FAM76A: variants seen among roughly 807,000 people sequenced by gnomAD.
FAM76A encodes family with sequence similarity 76 member A, also known as protein FAM76A.
Under a neutral mutation model 46.2 loss-of-function variants are expected in FAM76A, and 32 were observed. The observed-to-expected ratio is 0.69, with a 90% CI of 0.52 to 0.93. FAM76A has a LOEUF of 0.93. Ranked by LOEUF, FAM76A falls within the 40% of genes least tolerant of loss-of-function variation. The probability of loss-of-function intolerance (pLI) is 0.00; values close to 1 mark genes in which losing one functional copy is unlikely to be tolerated. For synonymous variants in FAM76A, 137 were observed against 127.0 expected (o/e 1.08, Z -0.53); for missense variants, 274 against 361.5 (o/e 0.76, Z 1.96).
At chr1:27,758,438 T>C (rs371119512) in intron 7 of FAM76A, among the ~76,000 whole-genome samples, 45 of 152,336 alleles carry the variant, frequency 3.0e-4, no homozygotes, top group African/African-American at 9.9e-4. Context: ...AAAAGGATTT[T>C]TGTAAAACAG....
At chr1:27,735,504 C>T (rs1314157458) in intron 4 of FAM76A, among the ~76,000 whole-genome samples, 2 of 152,174 alleles carry the variant, frequency 1.3e-5, no homozygotes, top group Non-Finnish European at 2.9e-5. Context: ...GGTGCTTGGG[C>T]TCAAGGGCTG....
chr1:27,735,906 G>A (rs1006524762), intron 4 of FAM76A, among the ~76,000 whole-genome samples: 1 of 152,108 alleles, frequency 6.6e-6, no homozygotes, highest in African/African-American at 2.4e-5. Context: ...TACTAATCTG[G>A]TTATACTAGA....
chr1:27,757,580 GCTGGTCTTGAACTC>G (rs1283134206), intron 7 of FAM76A, among the ~76,000 whole-genome samples: 2 of 152,136 alleles, frequency 1.3e-5, no homozygotes, highest in Non-Finnish European at 2.9e-5. Context: ...TGTTGGCCGG[GCTGGTCTTGAACTC>G]CTGACCTCAA....
intron 5 of FAM76A, among the ~76,000 whole-genome samples, chr1:27,746,124 C>G (rs1194783969): frequency 1.3e-5 from 2 of 152,140 alleles, no homozygotes; most frequent in African/African-American, 2.4e-5. Flanking sequence ...GATGTTAAAA[C>G]AAGAACCTCA....
intron 2 of FAM76A, 55 bp from the exon 3 acceptor site, chr1:27,732,548 G>C: frequency 1.3e-6 from 2 of 1,527,836 alleles, no homozygotes. Context: ...GGCTTAAGGA[G>C]GTATCAGTTT....
chr1:27,727,598 G>T lies in FAM76A; in HGVS notation c.146+62G>T. The T allele has an allele frequency of 2.4e-6, 3 of 1,264,760 alleles. No individual in the cohort carries two copies. In the South Asian group the frequency reaches 3.7e-5, roughly 15 times the overall value. 78.3% of individuals were successfully genotyped at this position (1,264,760 alleles called of 1,614,324 possible). Reference sequence around the variant, plus strand: ...TTTTTTCCTCTTAAAATCTGTAATTGATTGCATTTCATGTACAGATGCTAT... The same window carrying T: ...TTTTTTCCTCTTAAAATCTGTAATTTATTGCATTTCATGTACAGATGCTAT... On this transcript the variant is annotated intron_variant, in intron 2 of 8. Transcript: ENST00000373954.
At position 27,757,624 on chromosome 1, in the gene FAM76A, C is replaced by T. The variant is rs1479371754; in HGVS notation, c.736-1902C>T. Among the ~76,000 whole-genome samples, 5 of 152,108 alleles carry T rather than the reference C, an allele frequency of 3.3e-5. No individual in the cohort carries two copies. In the East Asian group the frequency reaches 9.7e-4, roughly 30 times the overall value. Reference sequence around the variant, plus strand: ...CCTCAAGTGACCCGCCCACCTCGGCCTCCCAAAGTGCTGGGATTACAGGCA... The same window carrying T: ...CCTCAAGTGACCCGCCCACCTCGGCTTCCCAAAGTGCTGGGATTACAGGCA... On this transcript the variant is annotated intron_variant, in intron 7 of 8. Transcript: ENST00000373954.
intron 6 of FAM76A, among the ~76,000 whole-genome samples, chr1:27,754,144 T>C (rs2088374060): frequency 6.7e-6 from 1 of 150,272 alleles, no homozygotes; most frequent in South Asian, 2.1e-4. Flanking sequence ...TTCGCTCTTG[T>C]TGCCCAGGCT....
chr1:27,729,353 G>A (rs1224124691), intron 2 of FAM76A, among the ~76,000 whole-genome samples: 2 of 151,760 alleles, frequency 1.3e-5, no homozygotes, highest in African/African-American at 4.8e-5. Flanking sequence ...GACCAGGGGT[G>A]CACACCACCA....
intron 4 of FAM76A, among the ~76,000 whole-genome samples, chr1:27,735,008 A>G (rs574734933): frequency 3.9e-5 from 6 of 152,352 alleles, no homozygotes; most frequent in East Asian, 1.9e-4. Flanking sequence ...ATAAAACTCA[A>G]ATCCCTTCTA....
intron 1 of FAM76A, 117 bp downstream of exon 1, chr1:27,726,278 G>A: frequency 3.2e-6 from 3 of 951,262 alleles, no homozygotes; most frequent in Non-Finnish European, 4.1e-6. Flanking sequence ...AGGCCCGCCA[G>A]GCTGAGGAGC....
chr1:27,750,153 T>C (rs2088308839), intron 6 of FAM76A, among the ~76,000 whole-genome samples: 1 of 152,182 alleles, frequency 6.6e-6, no homozygotes, highest in African/African-American at 2.4e-5. Context: ...ACAGTTCTCC[T>C]TCCCAGCCAG....
At chr1:27,738,501 TTAA>T (rs891492955) in intron 4 of FAM76A, among the ~76,000 whole-genome samples, 1 of 151,488 alleles carries the variant, frequency 6.6e-6, no homozygotes, top group Non-Finnish European at 1.5e-5. Flanking sequence ...AATAATAATA[TTAA>T]TAATAATAAA....
At chr1:27,752,895 C>T (rs996631106) in intron 6 of FAM76A, among the ~76,000 whole-genome samples, 4 of 152,168 alleles carry the variant, frequency 2.6e-5, no homozygotes, top group South Asian at 2.1e-4. Context: ...CACGGTGGCT[C>T]ACGCCTGTAA....
At chr1:27,736,776 T>A (rs1238639686) in intron 4 of FAM76A, among the ~76,000 whole-genome samples, 3 of 151,666 alleles carry the variant, frequency 2.0e-5, no homozygotes, top group African/African-American at 7.3e-5. Flanking sequence ...TTTTATTTTT[T>A]AAATTTTTGT....
chr1:27,740,600 G>GC, intron 4 of FAM76A: 1 of 819,138 alleles, frequency 1.2e-6, no homozygotes. Flanking sequence ...ATGTTCAGAA[G>GC]CCACTCAAAA....
At chr1:27,734,518 G>A (rs771364026) in intron 4 of FAM76A, among the ~76,000 whole-genome samples, 2 of 152,162 alleles carry the variant, frequency 1.3e-5, no homozygotes, top group Non-Finnish European at 2.9e-5. Flanking sequence ...CTGCACTCCA[G>A]CCTGAGTGAC....
intron 5 of FAM76A, among the ~76,000 whole-genome samples, chr1:27,748,551 G>A (rs985553999): frequency 2.3e-5 from 1 of 42,700 alleles, no homozygotes; most frequent in African/African-American, 9.8e-5. Context: ...GATTGATCTC[G>A]GCTCACTGCA....
At chr1:27,728,411 G>A (rs755305777) in intron 2 of FAM76A, among the ~76,000 whole-genome samples, 10 of 152,042 alleles carry the variant, frequency 6.6e-5, no homozygotes, top group Non-Finnish European at 1.3e-4. Context: ...GGGGTGCAGT[G>A]GAGCCGTCAT....
Sources: gnomAD v4.1 joint callset for allele counts (sites outside exome capture counted in the v4.1 genomes callset) on GRCh38, gnomAD v4.1.1 for gene constraint, MANE v1.5 for transcripts, NCBI Gene and HGNC (gene_info 2026-07-23, HGNC 2026-07-21) for gene names.